Variants in PTPRN2 observed in about 807,000 individuals in gnomAD.
PTPRN2 encodes receptor-type tyrosine-protein phosphatase N2.
Under a neutral mutation model 118.8 loss-of-function variants are expected in PTPRN2, and 74 were observed. The ratio of observed to expected loss-of-function variants is 0.62; its 90% CI spans 0.52 to 0.76. The LOEUF is 0.76. Among genes scored for constraint, PTPRN2 ranks in the 30% least tolerant of loss-of-function variants. The pLI, the probability that PTPRN2 is intolerant of heterozygous loss-of-function variation, is 0.00. For missense variants in PTPRN2, 1,481 were observed against 1,394.4 expected (o/e 1.06, Z -0.99); for synonymous variants, 641 against 608.0 (o/e 1.05, Z -0.80).
At chr7:158,485,941 T>A (rs980673308) in intron 2 of PTPRN2, among the ~76,000 whole-genome samples, 1 of 152,234 alleles carries the variant, frequency 6.6e-6, no homozygotes, top group African/African-American at 2.4e-5. Flanking sequence ...TCCGACGTTA[T>A]TAACAACTTT....
chr7:157,563,550 C>A (rs1418410776), intron 21 of PTPRN2, among the ~76,000 whole-genome samples: 2 of 128,218 alleles, frequency 1.6e-5, no homozygotes, highest in African/African-American at 6.0e-5. Context: ...CGTGCTCCCA[C>A]GTCACCACAC....
chr7:158,449,523 G>A (rs565296884), intron 2 of PTPRN2, among the ~76,000 whole-genome samples: 2 of 149,876 alleles, frequency 1.3e-5, no homozygotes, highest in African/African-American at 2.5e-5. Context: ...CACACAGCGC[G>A]GGCCGAGTCC....
intron 12 of PTPRN2, chr7:157,863,927 CT>C (rs1471092545): frequency 6.6e-6 from 1 of 152,188 alleles, no homozygotes; most frequent in Non-Finnish European, 1.5e-5. Flanking sequence ...TGAAAAGAAA[CT>C]TCCATCATTT....
intron 1 of PTPRN2, among the ~76,000 whole-genome samples, chr7:158,538,359 C>T (rs1825774950): frequency 6.6e-6 from 1 of 152,268 alleles, no homozygotes; most frequent in Non-Finnish European, 1.5e-5. Flanking sequence ...CCCAGCACTG[C>T]CCCTCACCCC....
intron 2 of PTPRN2, among the ~76,000 whole-genome samples, chr7:158,454,451 A>C (rs1818318486): frequency 6.7e-6 from 1 of 148,666 alleles, no homozygotes; most frequent in African/African-American, 2.5e-5. Flanking sequence ...TGATGTGAGG[A>C]TTGGGGACGG....
chr7:158,587,784 C>A lies in PTPRN2; in HGVS notation c.-115G>T, dbSNP rs1308058567. The stretch of plus-strand genomic sequence containing the variant: ...CCGGCTCCTCCCGCCGCGCCTCTCG[C>A]GCTCTTGCGGCGACGCCGGGCCGAG... On this transcript the variant is annotated 5_prime_UTR_variant, in exon 1 of 23. Transcript: ENST00000389418. The A allele has an allele frequency of 2.0e-6, 2 of 981,976 alleles. No individual in the cohort carries two copies. The highest frequency in any genetic ancestry group is 1.8e-5 in the African/African-American group (1 of 56,652). 60.8% of individuals were successfully genotyped at this position (981,976 alleles called of 1,614,324 possible). A position where few individuals can be genotyped will look rare whatever the true frequency, so the allele number is the denominator to read the frequency against.
intron 11 of PTPRN2, among the ~76,000 whole-genome samples, chr7:158,001,984 T>C (rs58201838): frequency 4.1e-3 from 625 of 152,316 alleles, no homozygotes; most frequent in African/African-American, 0.014. Context: ...GATCACGTTG[T>C]TTCAGTGGAG....
At chr7:158,246,716 A>C (rs1005151977) in intron 3 of PTPRN2, among the ~76,000 whole-genome samples, 4 of 151,998 alleles carry the variant, frequency 2.6e-5, no homozygotes, top group African/African-American at 9.7e-5. Context: ...AAGGCCGACC[A>C]ATGTGTGGGA....
At chr7:157,798,151 C>T (rs143654615) in intron 12 of PTPRN2, among the ~76,000 whole-genome samples, 1,781 of 152,184 alleles carry the variant, frequency 0.012, 16 homozygotes, top group Non-Finnish European at 0.015. Flanking sequence ...CCAAGCTGCT[C>T]GGGAGACTGA....
intron 3 of PTPRN2, among the ~76,000 whole-genome samples, chr7:158,229,585 A>G (rs986092946): frequency 9.2e-5 from 14 of 152,122 alleles, no homozygotes; most frequent in Non-Finnish European, 1.9e-4. Flanking sequence ...TGAGAAATAC[A>G]TTTGCTGAAC....
chr7:157,682,386 C>G (rs60857421), intron 13 of PTPRN2, among the ~76,000 whole-genome samples: 53 of 152,302 alleles, frequency 3.5e-4, no homozygotes, highest in African/African-American at 1.2e-3. Flanking sequence ...CAAATGATCT[C>G]GCAACTCTGG....
intron 10 of PTPRN2, among the ~76,000 whole-genome samples, chr7:158,105,490 T>G (rs1815612468): frequency 6.7e-6 from 1 of 150,300 alleles, no homozygotes; most frequent in Non-Finnish European, 1.5e-5. Context: ...CTCCATCCCA[T>G]CTCCACTCAG....
At chr7:157,761,451 C>G (rs1802125039) in intron 12 of PTPRN2, among the ~76,000 whole-genome samples, 1 of 151,484 alleles carries the variant, frequency 6.6e-6, no homozygotes, top group Non-Finnish European at 1.5e-5. Context: ...TGCCTCATAT[C>G]TACAACTATC....
At chr7:157,941,238 C>A (rs1242541376) in intron 11 of PTPRN2, among the ~76,000 whole-genome samples, 2 of 81,746 alleles carry the variant, frequency 2.4e-5, no homozygotes, top group African/African-American at 8.3e-5. Context: ...ACACCCTCCC[C>A]ACCATGACAC....
intron 5 of PTPRN2, among the ~76,000 whole-genome samples, chr7:158,178,503 A>G (rs571020301): frequency 8.6e-4 from 131 of 151,454 alleles, no homozygotes; most frequent in African/African-American, 3.0e-3. Context: ...TTCCAGCTCC[A>G]TCTAAGTGGC....
chr7:158,414,495 G>T (rs1420069954), intron 2 of PTPRN2, among the ~76,000 whole-genome samples: 1 of 152,188 alleles, frequency 6.6e-6, no homozygotes, highest in Admixed American at 6.5e-5. Flanking sequence ...CATCTGTGAG[G>T]AAGAGAGCTG....
rs1827530339 is a variant in PTPRN2 at position 158,563,915 on chromosome 7, GT to G, written c.112+23642del. Among the ~76,000 whole-genome samples the G allele has an allele frequency of 6.6e-6, 1 of 152,212 alleles. No homozygotes were observed. The highest frequency in any genetic ancestry group is 2.4e-5 in the African/African-American group (1 of 41,430). On this transcript the variant is annotated intron_variant, in intron 1 of 22. Coordinates refer to ENST00000389418, the MANE Select transcript of PTPRN2 (RefSeq NM_002847.5). This position sits in a 1 kb window ranked among gnomAD's most constrained non-coding sequence, Gnocchi z 5.1. ...ACCTGGATTTGTTCTCCAGTAAGTG[GT>G]TAGAACTTGGGCTCTGATGCCACAG...
At chr7:158,286,692 G>A (rs1799794442) in intron 3 of PTPRN2, among the ~76,000 whole-genome samples, 1 of 152,138 alleles carries the variant, frequency 6.6e-6, no homozygotes, top group Non-Finnish European at 1.5e-5. Flanking sequence ...TGCATACCAG[G>A]GATAAATCCC....
chr7:157,812,287 AG>A lies in PTPRN2; in HGVS notation c.1788+86385del, dbSNP rs574123985. On this transcript the variant is annotated intron_variant, in intron 12 of 22. Transcript: ENST00000389418. ...TTGCCGGGAGAGACGCCCAGAGGGAAGGGGCTTTGTGGGAGGAGGGGTTCCG... is the reference window on the plus strand; with the variant it reads ...TTGCCGGGAGAGACGCCCAGAGGGAAGGGCTTTGTGGGAGGAGGGGTTCCG... Among the ~76,000 whole-genome samples, 144 of 152,262 alleles carry A rather than the reference AG, an allele frequency of 9.5e-4. 1 individual carries two copies. Among genetic ancestry groups the A allele is most frequent in the South Asian group, 8.9e-3 (43 of 4,818 alleles).
Sources: allele counts gnomAD v4.1 joint callset (sites outside exome capture counted in the v4.1 genomes callset), GRCh38; gene constraint gnomAD v4.1.1; non-coding constraint Gnocchi (gnomAD v3.1); transcripts MANE v1.5; gene names NCBI Gene and HGNC (gene_info 2026-07-23, HGNC 2026-07-21).